The following CHD2 variants were observed in gnomAD, a reference collection of about 807,000 sequenced individuals.
CHD2 encodes chromodomain helicase DNA binding protein 2, also known as ATP-dependent chromatin remodeler CHD2.
CHD2 carries 28 observed loss-of-function variants against 243.9 expected under a neutral mutation model. That is an observed-to-expected ratio of 0.11 (90% CI 0.09 to 0.16). CHD2 has a LOEUF of 0.16. Among genes scored for constraint, CHD2 ranks in the 10% least tolerant of loss-of-function variants. The probability of loss-of-function intolerance (pLI) is 1.00; values close to 1 mark genes in which losing one functional copy is unlikely to be tolerated. For missense variants in CHD2, 1,386 were observed against 2,209.8 expected (o/e 0.63, Z 7.47); for synonymous variants, 775 against 779.0 (o/e 0.99, Z 0.09).
chr15:92,989,323 T>A (rs1353884554), intron 26 of CHD2, among the ~76,000 whole-genome samples: 1 of 152,168 alleles, frequency 6.6e-6, no homozygotes, highest in Admixed American at 6.5e-5. Context: ...TGAGCCACCA[T>A]GCCCAGCTTA....
chr15:92,974,723 C>A lies in CHD2; in HGVS notation c.2506-156C>A. 3 of 605,484 alleles carry A rather than the reference C, an allele frequency of 5.0e-6. 1 individual carries two copies. Among genetic ancestry groups the A allele is most frequent in the Non-Finnish European group, 8.8e-6 (3 of 342,254 alleles). The allele number at this position is 605,484 out of a possible 1,614,324, so 37.5% of individuals were successfully genotyped here. On this transcript the variant is annotated intron_variant, in intron 19 of 38. Coordinates refer to ENST00000394196, the MANE Select transcript of CHD2 (RefSeq NM_001271.4). ...CTCAGGTCGAGTAGGGTAGGGTGTG[C>A]TTCTTAAGCACAGCTTCTTCATAGC...
At chr15:92,956,726 C>T (rs1162556778) in intron 16 of CHD2, 77 bp downstream of exon 16, 2 of 1,368,680 alleles carry the variant, frequency 1.5e-6, no homozygotes, top group Non-Finnish European at 2.0e-6. Flanking sequence ...CTTAGTAGAC[C>T]TTAGGGAAAA....
intron 37 of CHD2, 68 bp downstream of exon 37, chr15:93,014,977 T>G: frequency 7.8e-7 from 1 of 1,287,440 alleles, no homozygotes; most frequent in South Asian, 1.2e-5. Flanking sequence ...CCGTTTCATT[T>G]TCCAAAGACA....
At chr15:92,932,497 A>G (rs1298174828) in intron 5 of CHD2, among the ~76,000 whole-genome samples, 2 of 126,524 alleles carry the variant, frequency 1.6e-5, no homozygotes, top group Non-Finnish European at 3.1e-5. Flanking sequence ...CCTGTGTCCA[A>G]GTGTTCTCAT....
rs1374696540 is a variant in CHD2 at position 92,965,052 on chromosome 15, G to A, written c.2001-2273G>A. Among the ~76,000 whole-genome samples, 15 of 152,098 alleles carry A rather than the reference G, an allele frequency of 9.9e-5. No individual in the cohort carries two copies. The East Asian group carries it at 2.5e-3, about 25-fold the overall frequency. On this transcript the variant is annotated intron_variant, in intron 16 of 38. Coordinates refer to ENST00000394196, the MANE Select transcript of CHD2 (RefSeq NM_001271.4). ...AAGTAACCTATTTTTCTAAAATTCCGTGTTCTGCAAAGCTATAAAGATCAG... is the reference window on the plus strand; with the variant it reads ...AAGTAACCTATTTTTCTAAAATTCCATGTTCTGCAAAGCTATAAAGATCAG...
chr15:92,936,984 A>G (rs1219572782), intron 5 of CHD2, among the ~76,000 whole-genome samples: 1 of 152,088 alleles, frequency 6.6e-6, no homozygotes, highest in Non-Finnish European at 1.5e-5. Flanking sequence ...CCTCCTTAGT[A>G]ACTAGGACTG....
chr15:92,909,888 T>G (rs1261561651), intron 2 of CHD2, among the ~76,000 whole-genome samples: 1 of 151,966 alleles, frequency 6.6e-6, no homozygotes, highest in Admixed American at 6.6e-5. Context: ...CAAAGTAGAT[T>G]TATATTTATT....
intron 38 of CHD2, among the ~76,000 whole-genome samples, chr15:93,023,526 G>A (rs2054557622): frequency 1.3e-5 from 2 of 152,150 alleles, no homozygotes; most frequent in Non-Finnish European, 2.9e-5. Flanking sequence ...ATATGTGCCT[G>A]GGAGTGGAAT....
At chr15:92,956,322 A>G in intron 15 of CHD2, 137 bp from the exon 16 acceptor site, 2 of 644,942 alleles carry the variant, frequency 3.1e-6, no homozygotes, top group African/African-American at 1.9e-5. Context: ...AAGAGGCCTA[A>G]TATATATTGT....
At chr15:92,904,520 T>G (rs1567116836) in intron 2 of CHD2, 2 of 996,350 alleles carry the variant, frequency 2.0e-6, no homozygotes, top group African/African-American at 1.7e-5. Flanking sequence ...TAGTTGGGAC[T>G]TTCCGGTGGG....
At chr15:93,010,090 A>G (rs1298111732) in intron 35 of CHD2, among the ~76,000 whole-genome samples, 2 of 152,102 alleles carry the variant, frequency 1.3e-5, no homozygotes, top group Non-Finnish European at 2.9e-5. Context: ...TTGGTTTTCC[A>G]TTCCTGAGTT....
At chr15:92,901,837 C>G (rs1339525879) in intron 2 of CHD2, 1 of 260,270 alleles carries the variant, frequency 3.8e-6, no homozygotes, top group African/African-American at 2.2e-5. Context: ...TTGACTGATG[C>G]CTCTCAGTTT....
chr15:92,937,420 T>C, intron 5 of CHD2, 98 bp from the exon 6 acceptor site: 1 of 780,414 alleles, frequency 1.3e-6, no homozygotes, highest in Non-Finnish European at 2.1e-6. Flanking sequence ...GTGCATGTTC[T>C]GCCCTTTGGA....
At chr15:93,010,431 T>A (rs915483432) in intron 35 of CHD2, among the ~76,000 whole-genome samples, 7 of 120,896 alleles carry the variant, frequency 5.8e-5, no homozygotes, top group African/African-American at 1.2e-4. Context: ...TTTTTTTTTT[T>A]AAATGAGACA....
chr15:92,987,778 T>C (rs1373647794), intron 26 of CHD2, among the ~76,000 whole-genome samples: 1 of 152,122 alleles, frequency 6.6e-6, no homozygotes. Context: ...GTCATGTTTT[T>C]TTTGTTTATT....
chr15:92,942,453 A>C (rs764854303), intron 8 of CHD2, among the ~76,000 whole-genome samples: 42 of 150,700 alleles, frequency 2.8e-4, no homozygotes, highest in Middle Eastern at 3.4e-3. Flanking sequence ...TGAGGTTAAG[A>C]AAGTTAACCG....
chr15:92,994,046 C>G (rs1203368131), intron 28 of CHD2, among the ~76,000 whole-genome samples: 1 of 152,174 alleles, frequency 6.6e-6, no homozygotes, highest in Non-Finnish European at 1.5e-5. Flanking sequence ...TGTGGTTTAT[C>G]TGTGCCATTT....
At chr15:92,912,737 T>C (rs2052761504) in intron 2 of CHD2, among the ~76,000 whole-genome samples, 1 of 152,164 alleles carries the variant, frequency 6.6e-6, no homozygotes, top group Non-Finnish European at 1.5e-5. Context: ...GGTTTCACTA[T>C]GTTGGCCAGG....
chr15:93,021,768 A>G (rs982766348), intron 38 of CHD2: 2 of 152,180 alleles, frequency 1.3e-5, no homozygotes, highest in African/African-American at 4.8e-5. Flanking sequence ...AGATATAACA[A>G]TGGTTTTGAT....
Sources: gnomAD v4.1 joint callset for allele counts (sites outside exome capture counted in the v4.1 genomes callset) on GRCh38, gnomAD v4.1.1 for gene constraint, MANE v1.5 for transcripts, NCBI Gene and HGNC (gene_info 2026-07-23, HGNC 2026-07-21) for gene names.